Variants in TNK2 observed in about 807,000 individuals in gnomAD.
The protein encoded by TNK2 is activated CDC42 kinase 1.
Under a neutral mutation model 101.8 loss-of-function variants are expected in TNK2, and 83 were observed. That is an observed-to-expected ratio of 0.82 (90% CI 0.68 to 0.98). The LOEUF (loss-of-function observed/expected upper bound fraction) is 0.98, where lower values mean the gene tolerates loss of function less well. TNK2 is among the 50% of genes least tolerant of loss of function. The pLI is 0.00. For missense variants in TNK2, 1,665 were observed against 1,483.2 expected, an observed-to-expected ratio of 1.12 and a Z score of -2.01; for synonymous variants, 804 against 633.0, an observed-to-expected ratio of 1.27 and a Z score of -4.06.
At chr3:195,895,337 A>G (rs1760145021) in intron 1 of TNK2, 1 of 1,567,954 alleles carries the variant, frequency 6.4e-7, no homozygotes, top group Non-Finnish European at 8.6e-7. Context: ...CAGGGAGAGA[A>G]GCAGCGCCCG....
chr3:195,874,371 G>A (rs926155992), intron 9 of TNK2, among the ~76,000 whole-genome samples: 1 of 152,232 alleles, frequency 6.6e-6, no homozygotes, highest in Admixed American at 6.5e-5. Flanking sequence ...ACCTCCCTTA[G>A]TGCAGGTATG....
intron 1 of TNK2, among the ~76,000 whole-genome samples, chr3:195,904,270 A>G (rs1366180585): frequency 6.6e-6 from 1 of 152,108 alleles, no homozygotes; most frequent in Non-Finnish European, 1.5e-5. Flanking sequence ...TTTAAAAAAA[A>G]AAAAAAAAAA....
chr3:195,903,347 A>C (rs192603144), intron 1 of TNK2, among the ~76,000 whole-genome samples: 1 of 152,286 alleles, frequency 6.6e-6, no homozygotes, highest in Non-Finnish European at 1.5e-5. Flanking sequence ...GCCAGCTAAC[A>C]CCACTCTTAA....
Position 195,867,931 on chromosome 3 carries a change from G to T in TNK2, c.2367C>A (p.Ser789=). Residue 789 remains serine, a synonymous_variant, in exon 13 of 16, where the codon TCC becomes TCA. Coordinates refer to ENST00000672887, the MANE Select transcript of TNK2 (RefSeq NM_001382273.1). ...EETSQWPGPA[S]PPRVPPREPL... is the part of the protein sequence containing the mutation. Reference sequence around the variant, plus strand: ...GCTCCCGCGGAGGCACCCGGGGAGGGGAAGCAGGTCCAGGCCACTGGCTGG... The same window carrying T: ...GCTCCCGCGGAGGCACCCGGGGAGGTGAAGCAGGTCCAGGCCACTGGCTGG... 1.3e-6 allele frequency: 2 copies of T among 1,536,424 alleles called. No individual in the cohort carries two copies. Among genetic ancestry groups the T allele is most frequent in the Non-Finnish European group, 1.7e-6 (2 of 1,152,600 alleles).
chr3:195,897,189 C>A (rs571847929), intron 1 of TNK2, among the ~76,000 whole-genome samples: 1 of 152,382 alleles, frequency 6.6e-6, no homozygotes, highest in East Asian at 1.9e-4. Context: ...AGAGCCCAGG[C>A]TTCTGGAGCA....
chr3:195,893,191 C>A (rs1300329572), intron 1 of TNK2, among the ~76,000 whole-genome samples: 6 of 152,040 alleles, frequency 3.9e-5, no homozygotes, highest in South Asian at 2.1e-4. Context: ...GACCCTCCCC[C>A]ACCCCCGAGT....
chr3:195,894,128 A>C (rs1300185008), intron 1 of TNK2, among the ~76,000 whole-genome samples: 1 of 152,172 alleles, frequency 6.6e-6, no homozygotes. Context: ...GCATCAGAGA[A>C]GCCTACAGCC....
rs115141314 is a variant in TNK2 at position 195,886,920 on chromosome 3, G to A, written c.234+57C>T. The A allele has an allele frequency of 4.4e-3, 7,003 of 1,586,002 alleles. 44 individuals carry two copies. The highest frequency in any genetic ancestry group is 8.8e-3 in the Middle Eastern group (53 of 6,026). On this transcript the variant is annotated intron_variant, in intron 3 of 15. Transcript: ENST00000672887. The surrounding 1 kb of genome is among the most constrained non-coding windows in gnomAD (Gnocchi z 4.2). ...GGGGAAGGTTCCCAGGACCAGAAGC[G>A]GAGGGGGGCGTTCGAGGCTGCCCCC...
chr3:195,908,340 C>CA (rs1761965771), intron 1 of TNK2, 145 bp downstream of exon 1: 1 of 152,558 alleles, frequency 6.6e-6, no homozygotes, highest in African/African-American at 2.4e-5. Flanking sequence ...TCCTGCCTTG[C>CA]CGCTGAAAAC....
In TNK2 at chr3:195,884,653, T is replaced by C. The variant is rs1476915180; in HGVS notation, c.456+159A>G. ...AGCGAGACTCCATCTCAAAAATAAA[T>C]AAATAAATAAAACCCCAAAAATCCT... On this transcript the variant is annotated intron_variant, in intron 4 of 15. Coordinates refer to ENST00000672887, the MANE Select transcript of TNK2 (RefSeq NM_001382273.1). 9.3e-6 allele frequency: 6 copies of C among 647,618 alleles called. No individual in the cohort carries two copies. The Admixed American group carries it at 9.7e-5, about 10-fold the overall frequency. 40.1% of individuals were successfully genotyped at this position (647,618 alleles called of 1,614,324 possible). A position where few individuals can be genotyped will look rare whatever the true frequency, so the allele number is the denominator to read the frequency against.
Position 195,878,513 on chromosome 3 carries a change from AC to A in TNK2, c.1093del (p.Val365SerfsTer45). 6.2e-7 allele frequency: 1 copy of A among 1,613,864 alleles called. No individual in the cohort carries two copies. The highest frequency in any genetic ancestry group is 8.5e-7 in the Non-Finnish European group (1 of 1,180,036). On this transcript the variant is annotated frameshift_variant, in exon 8 of 16. Coordinates refer to ENST00000672887, the MANE Select transcript of TNK2 (RefSeq NM_001382273.1). LOFTEE classifies it high-confidence loss of function. This position sits in a 1 kb window ranked among gnomAD's most constrained non-coding sequence, Gnocchi z 4.7. Reference protein sequence around the residue: ...DCPQDIYNVMVQCWAHKPEDR... With the variant: ...DCPQDIYNVMXQCWAHKPEDR... ...CTCTGGCTTGTGAGCCCAGCACTGG[AC>A]CATGACGTTGTAGATGTCCTGGGGA...
intron 10 of TNK2, among the ~76,000 whole-genome samples, chr3:195,871,288 G>A (rs1374456323): frequency 6.6e-6 from 1 of 152,082 alleles, no homozygotes. Flanking sequence ...ATAGGAGACA[G>A]GGCCTCTCCC....
In TNK2 at chr3:195,888,345, C is replaced by T. The variant is rs1259533571; in HGVS notation, c.163+81G>A. ...GGCTCTGGGACAGAGTTCTCAGCTG[C>T]CACCCGTGCACCGAGTGGTCCTGAG... is the stretch of plus-strand genomic sequence containing the variant. On this transcript the variant is annotated intron_variant, in intron 2 of 15. Coordinates refer to ENST00000672887, the MANE Select transcript of TNK2 (RefSeq NM_001382273.1). This position sits in a 1 kb window ranked among gnomAD's most constrained non-coding sequence, Gnocchi z 5.3. 6.8e-7 allele frequency: 1 copy of T among 1,480,114 alleles called. No individual in the cohort carries two copies. The highest frequency in any genetic ancestry group is 1.8e-5 in the Admixed American group (1 of 54,686). 91.7% of individuals were successfully genotyped at this position (1,480,114 alleles called of 1,614,324 possible).
rs1211303089 is a variant in TNK2 at position 195,872,435 on chromosome 3, C to T, written c.1292G>A (p.Arg431Gln). ...ENYWWRGQNT[R>Q]TLCVGPFPRN... Reference sequence around the variant, plus strand: ...AGGGAAGGGCCCCACACACAGCGTCCGTGTGTTCTGGCCACGCCACCAGTA... The same window carrying T: ...AGGGAAGGGCCCCACACACAGCGTCTGTGTGTTCTGGCCACGCCACCAGTA... The change falls in exon 10 of 16, where the codon CGG becomes CAG. Residue 431 changes from arginine (R) to glutamine (Q), a missense_variant. This residue lies in a region of TNK2 where 1,136 missense variants were observed against 894.9 expected (regional missense o/e 1.27). Transcript: ENST00000672887. 5 of 1,610,106 alleles carry T rather than the reference C, an allele frequency of 3.1e-6. No individual in the cohort carries two copies. Among genetic ancestry groups the T allele is most frequent in the Non-Finnish European group, 4.2e-6 (5 of 1,178,144 alleles).
At chr3:195,870,466 G>A (rs781536139) in intron 10 of TNK2, 3 of 1,256,664 alleles carry the variant, frequency 2.4e-6, no homozygotes, top group Non-Finnish European at 3.1e-6. Context: ...CAAGGGCAGA[G>A]GTGGTCCTCC....
chr3:195,893,609 C>T (rs1759462251), intron 1 of TNK2, among the ~76,000 whole-genome samples: 1 of 151,578 alleles, frequency 6.6e-6, no homozygotes, highest in Admixed American at 6.6e-5. Flanking sequence ...TCTCTCTGGC[C>T]CTCCTCAAAG....
chr3:195,906,897 G>A (rs1761782422), intron 1 of TNK2, among the ~76,000 whole-genome samples: 1 of 152,104 alleles, frequency 6.6e-6, no homozygotes, highest in African/African-American at 2.4e-5. Context: ...GGGGCTCCGG[G>A]GAGGTGGGCA....
chr3:195,899,135 T>C (rs1411620026), intron 1 of TNK2, among the ~76,000 whole-genome samples: 1 of 152,156 alleles, frequency 6.6e-6, no homozygotes, highest in African/African-American at 2.4e-5. Flanking sequence ...GTCTGAGCTA[T>C]TTTTTGTCTG....
rs113996846 is a variant in TNK2 at position 195,869,638 on chromosome 3, C to T, written c.1544-97G>A. ...GACGAGAGGGCAGAGTGTAGAGAGA[C>T]GAAGGGAGAGAAGTGAATGGGGGCG... On this transcript the variant is annotated intron_variant, in intron 11 of 15. Coordinates refer to ENST00000672887, the MANE Select transcript of TNK2 (RefSeq NM_001382273.1). The T allele has an allele frequency of 2.6e-4, 266 of 1,029,350 alleles. 1 individual carries two copies. The African/African-American group carries it at 3.2e-3, about 13-fold the overall frequency. 63.8% of individuals were successfully genotyped at this position (1,029,350 alleles called of 1,614,324 possible). A position where few individuals can be genotyped will look rare whatever the true frequency, so the allele number is the denominator to read the frequency against.
Sources: allele counts gnomAD v4.1 joint callset (sites outside exome capture counted in the v4.1 genomes callset), GRCh38; gene constraint gnomAD v4.1.1; regional missense constraint gnomAD v4.1.1; non-coding constraint Gnocchi (gnomAD v3.1); transcripts MANE v1.5; gene names NCBI Gene and HGNC (gene_info 2026-07-23, HGNC 2026-07-21).